The following NAALADL2 variants were observed in gnomAD, a reference collection of about 807,000 sequenced individuals.
NAALADL2 encodes inactive N-acetylated-alpha-linked acidic dipeptidase-like protein 2.
NAALADL2 carries 76 observed loss-of-function variants against 87.2 expected under a neutral mutation model. The ratio of observed to expected loss-of-function variants is 0.87; its 90% CI spans 0.72 to 1.05. The LOEUF is 1.05. Among genes scored for constraint, NAALADL2 ranks in the 50% least tolerant of loss-of-function variants. NAALADL2 has a pLI of 0.00. For synonymous variants in NAALADL2, 354 were observed against 331.0 expected, an observed-to-expected ratio of 1.07 and a Z score of -0.75; for missense variants, 1,089 against 945.8, an observed-to-expected ratio of 1.15 and a Z score of -1.99.
intron 9 of NAALADL2, among the ~76,000 whole-genome samples, chr3:175,500,980 G>T (rs866102416): frequency 6.6e-6 from 1 of 152,142 alleles, no homozygotes; most frequent in Non-Finnish European, 1.5e-5. Flanking sequence ...TGGGAATAGT[G>T]AATAAGACTG....
intron 9 of NAALADL2, among the ~76,000 whole-genome samples, chr3:175,486,934 TC>T (rs779993987): frequency 5.9e-5 from 9 of 152,082 alleles, no homozygotes; most frequent in Non-Finnish European, 1.3e-4. Context: ...TCCACTCTTA[TC>T]CCATCTAAGA....
intron 9 of NAALADL2, among the ~76,000 whole-genome samples, chr3:175,505,385 A>G (rs1444954825): frequency 1.3e-5 from 2 of 152,216 alleles, no homozygotes; most frequent in Admixed American, 6.5e-5. Context: ...ACAGACCCTG[A>G]GTAAAATTTT....
chr3:174,882,210 C>T (rs933863251), intron 1 of NAALADL2, among the ~76,000 whole-genome samples: 1 of 152,018 alleles, frequency 6.6e-6, no homozygotes, highest in Non-Finnish European at 1.5e-5. Context: ...CTTTGTATCT[C>T]TGTGGCAGTT....
intron 10 of NAALADL2, among the ~76,000 whole-genome samples, chr3:175,601,053 A>G (rs1416700066): frequency 4.6e-5 from 7 of 152,180 alleles, no homozygotes; most frequent in Middle Eastern, 3.2e-3. Context: ...TGTGTTAAAC[A>G]AAGTGGTTTT....
intron 13 of NAALADL2, among the ~76,000 whole-genome samples, chr3:175,779,675 A>C (rs1024593136): frequency 2.0e-5 from 3 of 152,224 alleles, no homozygotes; most frequent in African/African-American, 4.8e-5. Context: ...TATCATGGGA[A>C]TACAATGAAA....
At chr3:175,468,920 C>T (rs1355063854) in intron 8 of NAALADL2, among the ~76,000 whole-genome samples, 1 of 151,956 alleles carries the variant, frequency 6.6e-6, no homozygotes, top group East Asian at 1.9e-4. Context: ...TTTGTGGGGT[C>T]ATTGTACCTT....
chr3:174,645,836 C>G (rs1164282181), intron 2 of NAALADL2, among the ~76,000 whole-genome samples: 1 of 151,992 alleles, frequency 6.6e-6, no homozygotes, highest in African/African-American at 2.4e-5. Context: ...AATGATATTG[C>G]CATGAAATTT....
intron 1 of NAALADL2, among the ~76,000 whole-genome samples, chr3:174,889,751 T>C (rs778926781): frequency 2.0e-5 from 3 of 152,198 alleles, no homozygotes; most frequent in Non-Finnish European, 2.9e-5. Context: ...TTAATTCTTT[T>C]TCTGATCTTA....
intron 5 of NAALADL2, among the ~76,000 whole-genome samples, chr3:175,351,667 A>C (rs529434731): frequency 5.9e-5 from 9 of 152,226 alleles, no homozygotes; most frequent in African/African-American, 2.2e-4. Context: ...TACGTGTGGC[A>C]ATCAGTAGGT....
intron 5 of NAALADL2, among the ~76,000 whole-genome samples, chr3:175,377,544 G>A (rs1002079523): frequency 7.9e-5 from 12 of 152,244 alleles, no homozygotes; most frequent in Admixed American, 2.6e-4. Flanking sequence ...TGATGGGGAC[G>A]GGGGCAGAGA....
intron 4 of NAALADL2, among the ~76,000 whole-genome samples, chr3:175,303,516 C>A (rs1250027420): frequency 6.6e-6 from 1 of 152,088 alleles, no homozygotes; most frequent in Non-Finnish European, 1.5e-5. Context: ...CTTTCTTACT[C>A]CTAAAATGTA....
At chr3:175,569,996 A>G (rs1032614870) in intron 9 of NAALADL2, among the ~76,000 whole-genome samples, 1 of 152,192 alleles carries the variant, frequency 6.6e-6, no homozygotes, top group Non-Finnish European at 1.5e-5. Flanking sequence ...ACAAGCCCAG[A>G]GATCTGCGGT....
intron 1 of NAALADL2, among the ~76,000 whole-genome samples, chr3:174,462,307 A>G (rs1716266095): frequency 6.6e-6 from 1 of 152,104 alleles, no homozygotes; most frequent in South Asian, 2.1e-4. Flanking sequence ...ATTGTGTATA[A>G]TGATGTAGCC....
chr3:175,084,624 A>G (rs956321511), intron 1 of NAALADL2, among the ~76,000 whole-genome samples: 21 of 152,346 alleles, frequency 1.4e-4, no homozygotes, highest in African/African-American at 3.8e-4. Context: ...CTTAAGGTAT[A>G]TATGTATTCC....
chr3:175,267,556 T>A (rs1396233486), intron 4 of NAALADL2, among the ~76,000 whole-genome samples: 1 of 152,148 alleles, frequency 6.6e-6, no homozygotes, highest in African/African-American at 2.4e-5. Flanking sequence ...TTTTTCTTTT[T>A]AAAAAGACAG....
At chr3:175,119,787 GTATA>G (rs909988827) in intron 2 of NAALADL2, among the ~76,000 whole-genome samples, 3 of 126,726 alleles carry the variant, frequency 2.4e-5, no homozygotes, top group East Asian at 2.2e-4. Context: ...ATATATAAAA[GTATA>G]TATATACTTA....
chr3:174,469,424 ATTT>A (rs796147289), intron 1 of NAALADL2, among the ~76,000 whole-genome samples: 5 of 139,406 alleles, frequency 3.6e-5, no homozygotes, highest in African/African-American at 7.9e-5. Context: ...CGGCTGGCTA[ATTT>A]TTTTTTTTTT....
chr3:175,592,865 T>G (rs1721717936), intron 10 of NAALADL2, among the ~76,000 whole-genome samples: 1 of 151,826 alleles, frequency 6.6e-6, no homozygotes, highest in African/African-American at 2.4e-5. Flanking sequence ...ATTGTGCACA[T>G]GTACCCTAAA....
At chr3:175,643,655 C>T (rs1729591136) in intron 11 of NAALADL2, among the ~76,000 whole-genome samples, 2 of 152,154 alleles carry the variant, frequency 1.3e-5, no homozygotes, top group Non-Finnish European at 2.9e-5. Flanking sequence ...AAAATCATTA[C>T]AATCACTTAG....
Sources: gnomAD v4.1 joint callset for allele counts (sites outside exome capture counted in the v4.1 genomes callset) on GRCh38, gnomAD v4.1.1 for gene constraint, MANE v1.5 for transcripts, NCBI Gene and HGNC (gene_info 2026-07-23, HGNC 2026-07-21) for gene names.